Variants in MUC22 observed in about 807,000 individuals in gnomAD.
The protein encoded by MUC22 is mucin 22.
A neutral mutation model predicts 40.3 loss-of-function variants in MUC22; 24 were observed. That is an observed-to-expected ratio of 0.60 (90% confidence interval 0.43 to 0.84). The LOEUF (loss-of-function observed/expected upper bound fraction) is 0.84. MUC22 is among the 40% of genes least tolerant of loss of function. The pLI, the probability that MUC22 is intolerant of heterozygous loss-of-function variation, is 0.00. For missense variants in MUC22, 1,926 were observed against 2,130.7 expected (o/e 0.90, Z 1.89); for synonymous variants, 765 against 844.5 (o/e 0.91, Z 1.63).
chr6:31,028,408 G>A (rs1317042076), exon 2 of MUC22: 13 of 1,530,326 alleles, frequency 8.5e-6, no homozygotes, highest in Middle Eastern at 1.7e-4. Context: ...TGAAGGCTCC[G>A]AGACCACCAC....
exon 2 of MUC22, chr6:31,028,826 G>A: frequency 1.5e-5 from 23 of 1,531,818 alleles, no homozygotes; most frequent in Non-Finnish European, 2.0e-5. Flanking sequence ...ACTACCATAG[G>A]CTCTGAGACC....
At chr6:31,033,303 G>A (rs544119086) in intron 3 of MUC22, among the ~76,000 whole-genome samples, 1 of 149,436 alleles carries the variant, frequency 6.7e-6, no homozygotes, top group African/African-American at 2.4e-5. Flanking sequence ...GAGAGAGAAA[G>A]AGAAAGAAAA....
At chr6:31,012,481 T>G (rs962922930) in intron 1 of MUC22, among the ~76,000 whole-genome samples, 2 of 152,220 alleles carry the variant, frequency 1.3e-5, no homozygotes, top group African/African-American at 4.8e-5. Flanking sequence ...CAGAAGAAAC[T>G]GTCATTCATG....
chr6:31,027,079 A>G (rs1765450983), exon 2 of MUC22: 2 of 1,495,016 alleles, frequency 1.3e-6, no homozygotes, highest in Non-Finnish European at 1.8e-6. Flanking sequence ...CATGGCATCC[A>G]CCATGGGCTC....
intron 1 of MUC22, among the ~76,000 whole-genome samples, chr6:31,017,225 C>T (rs1188964219): frequency 3.3e-5 from 5 of 152,232 alleles, no homozygotes; most frequent in East Asian, 1.9e-4. Flanking sequence ...ATCTGCGGCC[C>T]AGGTGCGGGA....
chr6:31,029,390 C>A, exon 2 of MUC22: 6 of 1,534,910 alleles, frequency 3.9e-6, no homozygotes, highest in Non-Finnish European at 5.2e-6. Flanking sequence ...ACAGTCTCTA[C>A]CACGGGCTCT....
chr6:31,027,170 C>T lies in MUC22; in HGVS notation c.1739C>T (p.Ala580Val), dbSNP rs1334970463. The T allele has an allele frequency of 1.0e-5, 15 of 1,502,696 alleles. 2 individuals are homozygous for T. The highest frequency in any genetic ancestry group is 1.2e-5 in the Non-Finnish European group (14 of 1,125,106). 93.1% of individuals were successfully genotyped at this position (1,502,696 alleles called of 1,614,324 possible). A position where few individuals can be genotyped will look rare whatever the true frequency, so the allele number is the denominator to read the frequency against. The change falls in exon 2 of 4, where the codon GCT becomes GTT. Residue 580 changes from alanine to valine, a missense_variant. Physicochemically the swap from Ala to Val is moderately conservative, Grantham distance 64 (BLOSUM62 0). Around this residue, in one of 3 missense-constraint regions of MUC22, gnomAD observed 1,281 missense variants for 1,337.8 expected, o/e 0.96. Coordinates refer to ENST00000561890, the Ensembl canonical transcript of MUC22. Reference sequence around the variant, plus strand: ...AGCTCTGAGGTGACCACAGTCTTTGCTGCAGGCTCTGAGACAATCAGAGCC... The same window carrying T: ...AGCTCTGAGGTGACCACAGTCTTTGTTGCAGGCTCTGAGACAATCAGAGCC...
In MUC22 at chr6:31,027,032, A is replaced by G. The variant is rs529269315; in HGVS notation, c.1601A>G (p.Glu534Gly). The change falls in exon 2 of 4, where the codon GAG (glutamate) becomes GGG (glycine). Residue 534 changes from glutamate (E) to glycine (G), a missense_variant. Physicochemically the swap from Glu to Gly is moderately conservative, Grantham distance 98. Transcript: ENST00000561890. ...ACCACAGCCTCTACTACAGGGTTTG[A>G]GACAACCGCAGCCTCTACTACAGGC... 8.0e-6 allele frequency: 12 copies of G among 1,503,482 alleles called. No individual in the cohort carries two copies. The African/African-American group carries it at 1.7e-4, about 21-fold the overall frequency. The allele number at this position is 1,503,482 out of a possible 1,614,324, so 93.1% of individuals were successfully genotyped here.
intron 1 of MUC22, among the ~76,000 whole-genome samples, chr6:31,025,018 C>T (rs763219229): frequency 2.2e-4 from 33 of 151,108 alleles, no homozygotes; most frequent in Admixed American, 7.9e-4. Context: ...TATAGGCATG[C>T]GCCACCATGC....
chr6:31,033,410 A>G (rs1766223171), intron 3 of MUC22, among the ~76,000 whole-genome samples: 1 of 152,218 alleles, frequency 6.6e-6, no homozygotes, highest in Admixed American at 6.5e-5. Flanking sequence ...TGTCTCATGT[A>G]TGACAAATTT....
intron 1 of MUC22, among the ~76,000 whole-genome samples, chr6:31,016,784 G>C (rs975982240): frequency 3.9e-5 from 6 of 152,226 alleles, no homozygotes; most frequent in Admixed American, 1.3e-4. Context: ...CTTTCAGGGA[G>C]GTGTGGAGGG....
exon 2 of MUC22, chr6:31,026,411 A>T: frequency 6.7e-7 from 1 of 1,502,296 alleles, no homozygotes; most frequent in Non-Finnish European, 8.9e-7. Flanking sequence ...GGATCCGAGA[A>T]CACCACAGTC....
exon 2 of MUC22, chr6:31,027,560 C>G (rs747171279): frequency 3.3e-6 from 5 of 1,527,750 alleles, no homozygotes; most frequent in Non-Finnish European, 4.4e-6. Context: ...ACAGCTTCTA[C>G]TGAAGGTTCT....
chr6:31,024,321 A>T (rs1765099383), intron 1 of MUC22, among the ~76,000 whole-genome samples: 1 of 152,160 alleles, frequency 6.6e-6, no homozygotes, highest in Admixed American at 6.5e-5. Flanking sequence ...CAATATATTC[A>T]TGTGAATTTC....
At chr6:31,010,891 ATTTT>A (rs3084544) in intron 1 of MUC22, 115 bp downstream of exon 1, 41,103 of 534,632 alleles carry the variant, frequency 0.077, no homozygotes, top group Non-Finnish European at 0.091. Context: ...ATGATGATTC[ATTTT>A]TTTTTTTTTT....
At chr6:31,034,902 T>C (rs936917629) in exon 4 of MUC22, 1 of 1,535,362 alleles carries the variant, frequency 6.5e-7, no homozygotes, top group Non-Finnish European at 8.7e-7. Flanking sequence ...ACGGAGTGAA[T>C]CATGGCGGGC....
intron 3 of MUC22, among the ~76,000 whole-genome samples, chr6:31,033,053 T>C (rs1012811851): frequency 6.6e-5 from 10 of 152,166 alleles, no homozygotes; most frequent in Admixed American, 3.3e-4. Context: ...TAGTCCCAGC[T>C]ACTTTGGAGG....
chr6:31,029,313 G>C lies in MUC22; in HGVS notation c.3882G>C (p.Glu1294Asp), dbSNP rs1357557396. The C allele has an allele frequency of 1.2e-5, 19 of 1,528,370 alleles. No homozygotes were observed. Among genetic ancestry groups the C allele is most frequent in the Non-Finnish European group, 1.5e-5 (17 of 1,142,172 alleles). 94.7% of individuals were successfully genotyped at this position (1,528,370 alleles called of 1,614,324 possible). A position where few individuals can be genotyped will look rare whatever the true frequency, so the allele number is the denominator to read the frequency against. The change falls in exon 2 of 4, where the codon GAG becomes GAC. Residue 1294 changes from glutamate (E) to aspartate (D), a missense_variant. Physicochemically the swap from Glu to Asp is conservative, Grantham distance 45 (BLOSUM62 2). This residue lies in a region of MUC22 where 610 missense variants were observed against 714.6 expected (regional missense o/e 0.85). Coordinates refer to ENST00000561890, the Ensembl canonical transcript of MUC22. ...CTACAGTCACTACTGCAGGTTCTGA[G>C]ACCACAGCAGTCTATACCACAGGCT...
chr6:31,022,319 C>T (rs1235769344), intron 1 of MUC22, among the ~76,000 whole-genome samples: 2 of 152,254 alleles, frequency 1.3e-5, no homozygotes, highest in South Asian at 2.1e-4. Flanking sequence ...TTAGCCACAC[C>T]ATGCCTGGCT....
Sources: gnomAD v4.1 joint callset for allele counts (sites outside exome capture counted in the v4.1 genomes callset) on GRCh38, gnomAD v4.1.1 for gene constraint, gnomAD v4.1.1 regional missense constraint, MANE v1.5 for transcripts, NCBI Gene and HGNC (gene_info 2026-07-23, HGNC 2026-07-21) for gene names.